The following CLPTM1L variants were observed in gnomAD, a reference collection of about 807,000 sequenced individuals.
CLPTM1L encodes the protein lipid scramblase CLPTM1L.
Under a neutral mutation model 70.9 loss-of-function variants are expected in CLPTM1L, and 38 were observed. That is an observed-to-expected ratio of 0.54 (90% CI 0.41 to 0.70). The LOEUF is 0.70. Among genes scored for constraint, CLPTM1L ranks in the 30% least tolerant of loss-of-function variants. The pLI is 0.00. For missense variants in CLPTM1L, 652 were observed against 705.9 expected, an observed-to-expected ratio of 0.92 and a Z score of 0.87; for synonymous variants, 339 against 299.9, an observed-to-expected ratio of 1.13 and a Z score of -1.35.
At chr5:1,337,246 A>G (rs776960845) in intron 5 of CLPTM1L, among the ~76,000 whole-genome samples, 1 of 152,258 alleles carries the variant, frequency 6.6e-6, no homozygotes, top group Non-Finnish European at 1.5e-5. Flanking sequence ...ACAGTGCCTC[A>G]TGTGCAGTAA....
chr5:1,330,451 C>T (rs1753013467), intron 8 of CLPTM1L, 68 bp from the exon 9 acceptor site: 1 of 1,296,140 alleles, frequency 7.7e-7, no homozygotes, highest in African/African-American at 1.5e-5. Flanking sequence ...CCAAGTCACA[C>T]ACATACCCCC....
chr5:1,321,261 G>A (rs574109350), intron 15 of CLPTM1L, among the ~76,000 whole-genome samples: 1 of 152,398 alleles, frequency 6.6e-6, no homozygotes, highest in Admixed American at 6.5e-5. Flanking sequence ...TGCCAGCGGG[G>A]AATGGCCACG....
intron 11 of CLPTM1L, chr5:1,324,090 C>T (rs1014472622): frequency 1.8e-6 from 1 of 566,524 alleles, no homozygotes; most frequent in Non-Finnish European, 3.1e-6. Context: ...GGTGTAACTA[C>T]AGGCGCTAGT....
intron 5 of CLPTM1L, 41 bp from the exon 6 acceptor site, chr5:1,335,215 C>T: frequency 6.6e-7 from 1 of 1,509,092 alleles, no homozygotes; most frequent in Non-Finnish European, 9.2e-7. Context: ...CCCTCATACC[C>T]TTGCACCCAG....
intron 9 of CLPTM1L, 38 bp from the exon 10 acceptor site, chr5:1,325,854 CG>C: frequency 6.3e-7 from 1 of 1,586,672 alleles, no homozygotes; most frequent in East Asian, 2.2e-5. Context: ...CTTTAATATT[CG>C]AAGGCCAGGA....
At chr5:1,341,029 G>T (rs372832344) in intron 3 of CLPTM1L, among the ~76,000 whole-genome samples, 1 of 152,180 alleles carries the variant, frequency 6.6e-6, no homozygotes, top group East Asian at 1.9e-4. Flanking sequence ...GCCTCCCAAA[G>T]TGCTGGGATT....
rs1234714112 is a variant in CLPTM1L, at chr5:1,330,399, T to C, written c.977-16A>G. 6.2e-7 allele frequency: 1 copy of C among 1,610,156 alleles called. No homozygotes were observed. Among genetic ancestry groups the C allele is most frequent in the Non-Finnish European group, 8.5e-7 (1 of 1,177,744 alleles). On this transcript the variant is annotated splice_polypyrimidine_tract_variant and intron_variant, in intron 8 of 16. Coordinates refer to ENST00000320895, the MANE Select transcript of CLPTM1L (RefSeq NM_030782.5). The stretch of plus-strand genomic sequence containing the variant: ...CGCCAGAGCACTGGGGACAGGATGG[T>C]CGGGCTGGGAGGGGGTGCAGGGCAG...
Position 1,334,269 on chromosome 5 carries a change from C to T in CLPTM1L, c.891+20G>A, listed in dbSNP as rs529948771. On this transcript the variant is annotated intron_variant, in intron 7 of 16. Coordinates refer to ENST00000320895, the MANE Select transcript of CLPTM1L (RefSeq NM_030782.5). ...GAGCCCCCCAAGTGCCTGCGGCAAG[C>T]CCCCCGGTGGATGACTCACATGGAA... is the stretch of plus-strand genomic sequence containing the variant. 17 of 1,596,802 alleles carry T rather than the reference C, an allele frequency of 1.1e-5. 1 individual carries two copies. In the South Asian group the frequency reaches 1.1e-4, roughly 10 times the overall value.
chr5:1,326,753 C>T (rs977928561), intron 9 of CLPTM1L, among the ~76,000 whole-genome samples: 2 of 151,484 alleles, frequency 1.3e-5, no homozygotes. Flanking sequence ...AGCTCCTCCT[C>T]TACAGGGACA....
rs533612357 is a variant in CLPTM1L at position 1,331,542 on chromosome 5, C to T, written c.976+257G>A. ...ACAGCCCAGACCCAGACCCCATGCA[C>T]GCCAGAGTCCGCAGCCAGGCCCTGA... On this transcript the variant is annotated intron_variant, in intron 8 of 16. Transcript: ENST00000320895. 92 of 570,080 alleles carry T rather than the reference C, an allele frequency of 1.6e-4. No individual in the cohort carries two copies. The East Asian group carries it at 2.2e-3, about 14-fold the overall frequency. 35.3% of individuals were successfully genotyped at this position (570,080 alleles called of 1,614,324 possible). A position where few individuals can be genotyped will look rare whatever the true frequency, so the allele number is the denominator to read the frequency against.
intron 15 of CLPTM1L, among the ~76,000 whole-genome samples, chr5:1,321,233 A>G (rs1752132794): frequency 1.3e-5 from 2 of 152,256 alleles, no homozygotes; most frequent in South Asian, 2.1e-4. Context: ...CACGGAGCCA[A>G]GGGGGCCTCC....
At chr5:1,329,730 A>G (rs113746226) in intron 9 of CLPTM1L, among the ~76,000 whole-genome samples, 476 of 37,054 alleles carry the variant, frequency 0.013, 17 homozygotes, top group African/African-American at 0.018. Context: ...TGGTGGACAG[A>G]GCCTCAGGAC....
intron 9 of CLPTM1L, among the ~76,000 whole-genome samples, chr5:1,328,786 T>G (rs1019677045): frequency 4.6e-5 from 7 of 150,640 alleles, no homozygotes; most frequent in Admixed American, 2.0e-4. Flanking sequence ...GATCCTCCTC[T>G]ACAGACACAT....
rs529631887 is a variant in CLPTM1L at position 1,338,202 on chromosome 5, C to T, written c.600-220G>A. The T allele has an allele frequency of 1.9e-5, 11 of 590,792 alleles. No individual in the cohort carries two copies. The Admixed American group carries it at 2.9e-4, about 16-fold the overall frequency. 36.6% of individuals were successfully genotyped at this position (590,792 alleles called of 1,614,324 possible). A position where few individuals can be genotyped will look rare whatever the true frequency, so the allele number is the denominator to read the frequency against. On this transcript the variant is annotated intron_variant, in intron 4 of 16. Transcript: ENST00000320895. Reference sequence around the variant, plus strand: ...AGACCCGCTCCCCAGGAAGTGATGGCCACAGGTGGGAAAATGCCTCCACGG... The same window carrying T: ...AGACCCGCTCCCCAGGAAGTGATGGTCACAGGTGGGAAAATGCCTCCACGG...
intron 8 of CLPTM1L, 77 bp from the exon 9 acceptor site, chr5:1,330,460 C>A: frequency 1.7e-6 from 2 of 1,177,880 alleles, no homozygotes. Flanking sequence ...ACACATACCC[C>A]CAGTCCCCCA....
At position 1,344,853 on chromosome 5, in the gene CLPTM1L, G is replaced by A. The variant is rs775599934; in HGVS notation, c.-12C>T. ...CGGCCGCTCCACATGGCGGCCCCGC[G>A]CCCGGCGCCCCCGGCCCGCCCGCCT... is the stretch of plus-strand genomic sequence containing the variant. On this transcript the variant is annotated 5_prime_UTR_variant, in exon 1 of 17. Coordinates refer to ENST00000320895, the MANE Select transcript of CLPTM1L (RefSeq NM_030782.5). The A allele has an allele frequency of 2.1e-6, 3 of 1,453,868 alleles. No individual in the cohort carries two copies. Among genetic ancestry groups the A allele is most frequent in the East Asian group, 3.0e-5 (1 of 32,856 alleles). 90.1% of individuals were successfully genotyped at this position (1,453,868 alleles called of 1,614,324 possible).
intron 9 of CLPTM1L, among the ~76,000 whole-genome samples, chr5:1,329,671 GGGCCTC>G: frequency 1.8e-5 from 2 of 114,068 alleles, no homozygotes; most frequent in African/African-American, 3.2e-5. Context: ...CTGGTGGACA[GGGCCTC>G]AGGACTCTCT....
chr5:1,333,698 A>C (rs1358155136), intron 7 of CLPTM1L, among the ~76,000 whole-genome samples: 3,570 of 83,460 alleles, frequency 0.043, 19 homozygotes, highest in East Asian at 0.13. Flanking sequence ...GACACACCGC[A>C]AGAGGATAAG....
Position 1,324,708 on chromosome 5 carries a change from T to C in CLPTM1L, c.1197+55A>G, listed in dbSNP as rs557275099. The C allele has an allele frequency of 6.7e-6, 10 of 1,486,006 alleles. No homozygotes were observed. In the East Asian group the frequency reaches 9.0e-5, roughly 13 times the overall value. 92.1% of individuals were successfully genotyped at this position (1,486,006 alleles called of 1,614,324 possible). A position where few individuals can be genotyped will look rare whatever the true frequency, so the allele number is the denominator to read the frequency against. ...AGCAATGACAGTAAAAGACCCGTCT[T>C]TGAGGGTGTTGGATTTGCCTGGCAT... On this transcript the variant is annotated intron_variant, in intron 11 of 16. Transcript: ENST00000320895.
Sources: gnomAD v4.1 joint callset for allele counts (sites outside exome capture counted in the v4.1 genomes callset) on GRCh38, gnomAD v4.1.1 for gene constraint, MANE v1.5 for transcripts, NCBI Gene and HGNC (gene_info 2026-07-23, HGNC 2026-07-21) for gene names.